SPIDR: variants seen among roughly 807,000 people sequenced by gnomAD.
SPIDR encodes scaffold protein involved in DNA repair.
In SPIDR, 93 loss-of-function variants were observed where a neutral mutation model predicts 104.6. The ratio of observed to expected loss-of-function variants is 0.89; its 90% CI spans 0.75 to 1.06. SPIDR has a LOEUF of 1.06. Ranked by LOEUF, SPIDR falls within the 50% of genes least tolerant of loss-of-function variation. The pLI is 0.00. For synonymous variants in SPIDR, 431 were observed against 416.9 expected (o/e 1.03, Z -0.41); for missense variants, 1,154 against 1,111.2 (o/e 1.04, Z -0.55).
intron 5 of SPIDR, among the ~76,000 whole-genome samples, chr8:47,382,495 C>T (rs1554645992): frequency 6.6e-6 from 1 of 152,184 alleles, no homozygotes; most frequent in Non-Finnish European, 1.5e-5. Flanking sequence ...TCACTGCAAC[C>T]TCTGCCTCCT....
At chr8:47,383,405 AT>A (rs1270089110) in intron 5 of SPIDR, among the ~76,000 whole-genome samples, 5 of 152,192 alleles carry the variant, frequency 3.3e-5, no homozygotes, top group Non-Finnish European at 5.9e-5. Flanking sequence ...CTGTTTTAGA[AT>A]AATAGTTATT....
intron 8 of SPIDR, among the ~76,000 whole-genome samples, chr8:47,506,999 G>A (rs939487586): frequency 3.9e-5 from 6 of 152,158 alleles, no homozygotes; most frequent in Non-Finnish European, 7.3e-5. Context: ...CAACCTCTGG[G>A]CTACTGTGGA....
Position 47,367,888 on chromosome 8 carries a change from T to C in SPIDR, c.526-28488T>C, listed in dbSNP as rs1425659152. Among the ~76,000 whole-genome samples, 3 of 152,218 alleles carry C rather than the reference T, an allele frequency of 2.0e-5. 1 individual carries two copies. The South Asian group carries it at 6.2e-4, about 31-fold the overall frequency. On this transcript the variant is annotated intron_variant, in intron 5 of 19. Transcript: ENST00000297423. ...AGGAAAGAAGGCAAGCTGGAGATTA[T>C]AGGAACAGTGATTCAAAGCCAAATT...
At chr8:47,503,410 T>G (rs994933925) in intron 8 of SPIDR, among the ~76,000 whole-genome samples, 2 of 152,214 alleles carry the variant, frequency 1.3e-5, no homozygotes, top group Non-Finnish European at 2.9e-5. Flanking sequence ...TTGTCTCTTT[T>G]GATCTTTGTT....
intron 8 of SPIDR, among the ~76,000 whole-genome samples, chr8:47,564,322 C>G (rs1039806111): frequency 2.0e-5 from 3 of 151,932 alleles, no homozygotes; most frequent in African/African-American, 7.2e-5. Flanking sequence ...TGTGATCTGC[C>G]CGGCTCAGCC....
At chr8:47,290,888 T>C in intron 3 of SPIDR, 145 bp from the exon 4 acceptor site, 1 of 497,608 alleles carries the variant, frequency 2.0e-6, no homozygotes, top group East Asian at 3.0e-5. Flanking sequence ...GAACTTTAGG[T>C]AGGAAGATTT....
At chr8:47,372,841 T>G (rs947883729) in intron 5 of SPIDR, among the ~76,000 whole-genome samples, 5 of 152,132 alleles carry the variant, frequency 3.3e-5, no homozygotes, top group Non-Finnish European at 7.3e-5. Flanking sequence ...ACATTGTACC[T>G]GATAGGTATT....
At chr8:47,352,579 A>G (rs1563714672) in intron 5 of SPIDR, among the ~76,000 whole-genome samples, 1 of 152,048 alleles carries the variant, frequency 6.6e-6, no homozygotes, top group Non-Finnish European at 1.5e-5. Flanking sequence ...TGTGGTTTGG[A>G]TCTTGTTCAC....
chr8:47,686,127 C>T (rs1214985782), intron 11 of SPIDR, among the ~76,000 whole-genome samples: 1 of 152,136 alleles, frequency 6.6e-6, no homozygotes, highest in Non-Finnish European at 1.5e-5. Context: ...TGGCTCCCCA[C>T]CCAGCTCCTT....
At position 47,735,361 on chromosome 8, in the gene SPIDR, G is replaced by T. The variant is rs750915071; in HGVS notation, c.2659G>T (p.Val887Phe). The part of the protein sequence containing the change: ...GKEVGLLNCF[V>F]QSVTAHPTSC... ...GGAAGTGGGGTTGTTAAATTGTTTT[G>T]TCCAGTCCGTAACCGCCCACCCGAC... The change falls in exon 20 of 20, where the codon GTC becomes TTC. Residue 887 changes from valine to phenylalanine, a missense_variant. Transcript: ENST00000297423. 6.2e-7 allele frequency: 1 copy of T among 1,613,972 alleles called. No individual in the cohort carries two copies. The highest frequency in any genetic ancestry group is 2.2e-5 in the East Asian group (1 of 44,744).
intron 8 of SPIDR, among the ~76,000 whole-genome samples, chr8:47,459,407 C>G (rs1456309492): frequency 2.0e-5 from 3 of 152,064 alleles, no homozygotes; most frequent in Non-Finnish European, 4.4e-5. Context: ...TCTAGGTTTT[C>G]TAGTTGATGT....
At chr8:47,391,300 G>A (rs1262034101) in intron 5 of SPIDR, among the ~76,000 whole-genome samples, 1 of 152,128 alleles carries the variant, frequency 6.6e-6, no homozygotes, top group Non-Finnish European at 1.5e-5. Flanking sequence ...CACTTTGGGA[G>A]GCTGAGGTGG....
intron 6 of SPIDR, among the ~76,000 whole-genome samples, chr8:47,399,858 C>T (rs1378183612): frequency 6.6e-6 from 1 of 152,166 alleles, no homozygotes; most frequent in African/African-American, 2.4e-5. Flanking sequence ...GTTGGTCAAA[C>T]ACTTACAGAG....
At chr8:47,615,720 G>T (rs1356559827) in intron 10 of SPIDR, among the ~76,000 whole-genome samples, 1 of 151,968 alleles carries the variant, frequency 6.6e-6, no homozygotes, top group Non-Finnish European at 1.5e-5. Flanking sequence ...TATTGGCCAG[G>T]CTGGTGAGCC....
At chr8:47,458,864 T>A (rs2073465343) in intron 8 of SPIDR, among the ~76,000 whole-genome samples, 1 of 152,124 alleles carries the variant, frequency 6.6e-6, no homozygotes, top group Admixed American at 6.6e-5. Flanking sequence ...CCAGCTTTTG[T>A]GAAATGCTTT....
intron 5 of SPIDR, among the ~76,000 whole-genome samples, chr8:47,380,400 G>A (rs1237610699): frequency 6.6e-6 from 1 of 152,160 alleles, no homozygotes; most frequent in African/African-American, 2.4e-5. Flanking sequence ...GACAAGGTGC[G>A]TCAGGACCTC....
intron 12 of SPIDR, among the ~76,000 whole-genome samples, chr8:47,700,869 T>C (rs772335553): frequency 1.3e-5 from 2 of 152,196 alleles, no homozygotes; most frequent in African/African-American, 2.4e-5. Context: ...CAGTTACCAA[T>C]TGGAGCAGGA....
chr8:47,322,032 TG>T (rs1463023621), intron 5 of SPIDR, among the ~76,000 whole-genome samples: 1 of 152,170 alleles, frequency 6.6e-6, no homozygotes, highest in Non-Finnish European at 1.5e-5. Flanking sequence ...GACATGGGCA[TG>T]GGCAAGGACT....
chr8:47,515,588 C>T (rs2082997970), intron 8 of SPIDR, among the ~76,000 whole-genome samples: 1 of 152,166 alleles, frequency 6.6e-6, no homozygotes, highest in African/African-American at 2.4e-5. Context: ...ACATATATGG[C>T]TCTATAATAG....
Sources: gnomAD v4.1 joint callset for allele counts (sites outside exome capture counted in the v4.1 genomes callset) on GRCh38, gnomAD v4.1.1 for gene constraint, MANE v1.5 for transcripts, NCBI Gene and HGNC (gene_info 2026-07-23, HGNC 2026-07-21) for gene names.